The following NRG3 variants were observed in gnomAD, a reference collection of about 807,000 sequenced individuals.
NRG3 encodes the protein neuregulin 3.
NRG3 carries 31 observed loss-of-function variants against 66.9 expected under a neutral mutation model. That is an observed-to-expected ratio of 0.46 (90% CI 0.35 to 0.63). NRG3 has a LOEUF of 0.63. NRG3 is among the 20% of genes least tolerant of loss of function. NRG3 has a pLI of 0.00. For missense variants in NRG3, 910 were observed against 878.9 expected (o/e 1.04, Z -0.45); for synonymous variants, 393 against 359.4 (o/e 1.09, Z -1.06).
At chr10:81,978,330 A>G (rs2060201213) in intron 1 of NRG3, among the ~76,000 whole-genome samples, 1 of 152,172 alleles carries the variant, frequency 6.6e-6, no homozygotes, top group Non-Finnish European at 1.5e-5. Flanking sequence ...TGGTGTGAAT[A>G]TTGCCCTTTA....
At chr10:82,075,168 C>A (rs1248492259) in intron 1 of NRG3, among the ~76,000 whole-genome samples, 2 of 152,110 alleles carry the variant, frequency 1.3e-5, no homozygotes, top group Non-Finnish European at 2.9e-5. Context: ...TCATGAAATA[C>A]CTGTTCATGA....
At chr10:82,365,135 C>T (rs2084440084) in intron 2 of NRG3, among the ~76,000 whole-genome samples, 2 of 152,212 alleles carry the variant, frequency 1.3e-5, no homozygotes, top group Non-Finnish European at 2.9e-5. Flanking sequence ...CTCTTCCATT[C>T]AGTGAGGGTC....
intron 2 of NRG3, among the ~76,000 whole-genome samples, chr10:82,667,356 G>A (rs2052878147): frequency 6.6e-6 from 1 of 152,152 alleles, no homozygotes; most frequent in Non-Finnish European, 1.5e-5. Context: ...TGAGGCAGAT[G>A]TGAAGAATGA....
chr10:82,693,496 T>C (rs961034225), intron 2 of NRG3, among the ~76,000 whole-genome samples: 1 of 152,208 alleles, frequency 6.6e-6, no homozygotes, highest in Admixed American at 6.6e-5. Flanking sequence ...TGGCTCCATG[T>C]CTTACCAGCG....
At chr10:82,216,570 C>CTTG (rs2075693187) in intron 1 of NRG3, among the ~76,000 whole-genome samples, 1 of 116,288 alleles carries the variant, frequency 8.6e-6, no homozygotes, top group African/African-American at 3.4e-5. Context: ...ATGTATATAT[C>CTTG]TGGGTGTGTG....
intron 2 of NRG3, among the ~76,000 whole-genome samples, chr10:82,508,633 G>T (rs1053529807): frequency 2.0e-5 from 3 of 152,156 alleles, no homozygotes; most frequent in South Asian, 2.1e-4. Flanking sequence ...TGCATTTAGT[G>T]TTGTTTGCCA....
At chr10:81,962,476 G>T (rs1328721202) in intron 1 of NRG3, among the ~76,000 whole-genome samples, 3 of 152,168 alleles carry the variant, frequency 2.0e-5, no homozygotes, top group African/African-American at 4.8e-5. Flanking sequence ...TCTGACAAAA[G>T]AATGTGATTT....
intron 5 of NRG3, among the ~76,000 whole-genome samples, chr10:82,954,804 G>A (rs1285202212): frequency 6.9e-6 from 1 of 144,240 alleles, no homozygotes; most frequent in East Asian, 2.1e-4. Context: ...CACAAGTTGT[G>A]TGTGTGTGTG....
intron 4 of NRG3, among the ~76,000 whole-genome samples, chr10:82,890,173 G>GA (rs1276575400): frequency 1.3e-4 from 19 of 147,054 alleles, no homozygotes; most frequent in East Asian, 5.9e-4. Flanking sequence ...TTATCTTCAG[G>GA]AAAAAAAATA....
intron 1 of NRG3, among the ~76,000 whole-genome samples, chr10:81,907,497 TATTC>T (rs1844710786): frequency 6.6e-6 from 1 of 152,206 alleles, no homozygotes; most frequent in African/African-American, 2.4e-5. Flanking sequence ...AATATATGTG[TATTC>T]ATTTATTCAT....
At chr10:82,207,646 T>G (rs1264216646) in intron 1 of NRG3, among the ~76,000 whole-genome samples, 1 of 152,126 alleles carries the variant, frequency 6.6e-6, no homozygotes, top group Non-Finnish European at 1.5e-5. Flanking sequence ...GAGGTTTAAT[T>G]GACTCACAAT....
intron 1 of NRG3, among the ~76,000 whole-genome samples, chr10:82,152,842 CTTTCTTTCTTTCT>C (rs1187244805): frequency 7.6e-4 from 107 of 140,620 alleles, no homozygotes; most frequent in East Asian, 7.0e-3. Flanking sequence ...TTCTCTTTTT[CTTTCTTTCTTTCT>C]TTTCTTTCTT....
rs557044148 is a variant in NRG3 at position 82,686,173 on chromosome 10, C to G, written c.954-52404C>G. ...ACTGTACAGAATTGTATGTGCTATG[C>G]TTTCTTTTTTTTTTTTATTTTTTAT... On this transcript the variant is annotated intron_variant, in intron 2 of 8. Transcript: ENST00000372141. Among the ~76,000 whole-genome samples the G allele has an allele frequency of 1.3e-4, 6 of 46,128 alleles. No homozygotes were observed. The South Asian group carries it at 6.4e-3, about 49-fold the overall frequency. The allele number at this position is 46,128 out of a possible 152,430, so 30.3% of individuals were successfully genotyped here. A position where few individuals can be genotyped will look rare whatever the true frequency, so the allele number is the denominator to read the frequency against.
chr10:82,553,527 T>C (rs2044463720), intron 2 of NRG3, among the ~76,000 whole-genome samples: 1 of 152,142 alleles, frequency 6.6e-6, no homozygotes, highest in Non-Finnish European at 1.5e-5. Context: ...AGTGCTGATT[T>C]CTGAAGTTGC....
chr10:82,557,223 C>A lies in NRG3; in HGVS notation c.954-181354C>A, dbSNP rs558151304. ...CTTTGAGGAATTGCCATACTGCTTT[C>A]CACAATGGTTGAACTAATTTACACT... On this transcript the variant is annotated intron_variant, in intron 2 of 8. Transcript: ENST00000372141. Among the ~76,000 whole-genome samples, 3 of 152,260 alleles carry A rather than the reference C, an allele frequency of 2.0e-5. 1 individual carries two copies. The South Asian group carries it at 6.2e-4, about 32-fold the overall frequency.
chr10:82,199,367 C>G (rs1351481552), intron 1 of NRG3, among the ~76,000 whole-genome samples: 1 of 152,088 alleles, frequency 6.6e-6, no homozygotes, highest in Non-Finnish European at 1.5e-5. Flanking sequence ...TCCCTGCACT[C>G]TAATTCTGAT....
intron 2 of NRG3, among the ~76,000 whole-genome samples, chr10:82,407,379 A>G (rs924295641): frequency 3.3e-5 from 5 of 152,160 alleles, no homozygotes; most frequent in Admixed American, 3.3e-4. Context: ...TCTAAATGGA[A>G]GGGCAAAGTG....
chr10:82,136,113 C>T (rs191112911), intron 1 of NRG3, among the ~76,000 whole-genome samples: 1 of 152,272 alleles, frequency 6.6e-6, no homozygotes, highest in Admixed American at 6.5e-5. Flanking sequence ...GAGGTAGTGC[C>T]TTGGTGGTCT....
At chr10:82,170,287 A>G (rs1303292453) in intron 1 of NRG3, among the ~76,000 whole-genome samples, 1 of 152,004 alleles carries the variant, frequency 6.6e-6, no homozygotes, top group Non-Finnish European at 1.5e-5. Flanking sequence ...CATAATGTTC[A>G]GCTCACAGAG....
Sources: gnomAD v4.1 joint callset for allele counts (sites outside exome capture counted in the v4.1 genomes callset) on GRCh38, gnomAD v4.1.1 for gene constraint, MANE v1.5 for transcripts, NCBI Gene and HGNC (gene_info 2026-07-23, HGNC 2026-07-21) for gene names.